Variants in ANAPC1 observed in about 807,000 individuals in gnomAD.
ANAPC1 encodes anaphase promoting complex subunit 1.
ANAPC1 carries 36 observed loss-of-function variants against 208.0 expected under a neutral mutation model. The ratio of observed to expected loss-of-function variants is 0.17; its 90% CI spans 0.13 to 0.23. The LOEUF (loss-of-function observed/expected upper bound fraction) is 0.23. Ranked by LOEUF, ANAPC1 falls within the 10% of genes least tolerant of loss-of-function variation. The pLI, the probability that ANAPC1 is intolerant of heterozygous loss-of-function variation, is 1.00. For synonymous variants in ANAPC1, 378 were observed against 695.2 expected (o/e 0.54, Z 7.18); for missense variants, 942 against 2,011.6 (o/e 0.47, Z 10.17).
chr2:111,788,046 C>T (rs1677659876), intron 39 of ANAPC1, among the ~76,000 whole-genome samples, 188 bp downstream of exon 39: 1 of 151,328 alleles, frequency 6.6e-6, no homozygotes, highest in South Asian at 2.1e-4. Flanking sequence ...CATCAGGTGT[C>T]CAAAGTTATC....
At position 111,862,557 on chromosome 2, in the gene ANAPC1, C is replaced by T. The variant is rs1476001166; in HGVS notation, c.1094G>A (p.Gly365Glu). The change falls in exon 10 of 48, where the codon GGG becomes GAG. Residue 365 changes from glycine (G) to glutamate (E), a missense_variant. Transcript: ENST00000341068. ...SPALGVHSFSGVQRFNISSHN... is the reference protein window; with the variant it reads ...SPALGVHSFSEVQRFNISSHN... ...GCTTGAAATGTTGAACCTTTGCACC[C>T]CTGAAAAAGAGTGCACTCCTAACGC... The T allele has an allele frequency of 6.2e-7, 1 of 1,611,040 alleles. No individual in the cohort carries two copies. The highest frequency in any genetic ancestry group is 1.7e-5 in the Admixed American group (1 of 59,996).
At chr2:111,861,235 C>T (rs983216993) in intron 10 of ANAPC1, among the ~76,000 whole-genome samples, 2 of 152,150 alleles carry the variant, frequency 1.3e-5, no homozygotes, top group African/African-American at 4.8e-5. Flanking sequence ...GCCATCATGC[C>T]TGGCTAATTT....
Position 111,878,937 on chromosome 2 carries a change from A to T in ANAPC1, c.248T>A (p.Ile83Asn). Residue 83 changes from isoleucine to asparagine, a missense_variant, in exon 3 of 48, where the codon ATT (isoleucine) becomes AAT (asparagine). Ile to Asn is a moderately radical substitution (Grantham distance 149, BLOSUM62 -3). Transcript: ENST00000341068. ...SWQLRKGVSE[I>N]GEDVDYDEEL... ...CTCATCATAGTCCACATCTTCTCCA[A>T]TTTCACTTACTCCTTTCCTTAACTG... 9 of 1,589,022 alleles carry T rather than the reference A, an allele frequency of 5.7e-6. No homozygotes were observed. Among genetic ancestry groups the T allele is most frequent in the Non-Finnish European group, 6.8e-6 (8 of 1,172,862 alleles).
intron 20 of ANAPC1, 101 bp downstream of exon 20, chr2:111,833,119 G>A (rs1033860550): frequency 7.1e-7 from 1 of 1,412,128 alleles, no homozygotes; most frequent in Non-Finnish European, 9.4e-7. Flanking sequence ...CCCTGACTTA[G>A]AAGCTAATGG....
rs971840999 is a variant in ANAPC1 at position 111,769,683 on chromosome 2, T to C, written c.5720-277A>G. On this transcript the variant is annotated intron_variant, in intron 47 of 47. Coordinates refer to ENST00000341068, the MANE Select transcript of ANAPC1 (RefSeq NM_022662.4). ...TGCATTACACCTACTGGCTTTCTTT[T>C]TTTTTTTTTTTTTTTGGAGACGAAG... 7.6e-5 allele frequency among the ~76,000 whole-genome samples: 11 copies of C among 144,066 alleles called. 1 individual carries two copies. The highest frequency in any genetic ancestry group is 2.2e-4 in the South Asian group (1 of 4,480). 94.5% of individuals were successfully genotyped at this position (144,066 alleles called of 152,430 possible).
At chr2:111,883,430 TTTAC>T (rs961759647) in intron 1 of ANAPC1, among the ~76,000 whole-genome samples, 4 of 151,976 alleles carry the variant, frequency 2.6e-5, no homozygotes, top group East Asian at 1.9e-4. Context: ...TAGAAATGTT[TTTAC>T]TTGTTAGGTG....
At chr2:111,841,519 A>C in intron 17 of ANAPC1, among the ~76,000 whole-genome samples, 1 of 151,058 alleles carries the variant, frequency 6.6e-6, no homozygotes, top group Non-Finnish European at 1.5e-5. Flanking sequence ...TGGCAAGTGC[A>C]AACACTCAGA....
chr2:111,823,239 G>C (rs1403251276), intron 24 of ANAPC1, among the ~76,000 whole-genome samples: 1 of 151,198 alleles, frequency 6.6e-6, no homozygotes, highest in Non-Finnish European at 1.5e-5. Context: ...GGATGGTCTC[G>C]ATCTCCTGAC....
At chr2:111,810,305 G>A (rs73956889) in intron 28 of ANAPC1, among the ~76,000 whole-genome samples, 5 of 134,390 alleles carry the variant, frequency 3.7e-5, no homozygotes, top group Admixed American at 1.4e-4. Context: ...GTGAAGGTGG[G>A]GGGGGGTGAG....
intron 7 of ANAPC1, chr2:111,866,268 G>A (rs1682408641): frequency 2.6e-6 from 1 of 385,096 alleles, no homozygotes; most frequent in Non-Finnish European, 5.0e-6. Flanking sequence ...GGACATTTGT[G>A]AAGCGAGTGT....
In ANAPC1 at chr2:111,858,230, A is replaced by C. The variant is rs191481694; in HGVS notation, c.1358+76T>G. The stretch of plus-strand genomic sequence containing the variant: ...TAAATAAAACTACTTAAGCCAAAAA[A>C]AAAAGGAAAGAAAAGAAAAAGAAAA... On this transcript the variant is annotated intron_variant, in intron 11 of 47. Coordinates refer to ENST00000341068, the MANE Select transcript of ANAPC1 (RefSeq NM_022662.4). The C allele has an allele frequency of 4.8e-4, 571 of 1,181,156 alleles. 2 individuals carry two copies. In the African/African-American group the frequency reaches 8.2e-3, roughly 17 times the overall value. The allele number at this position is 1,181,156 out of a possible 1,614,324, so 73.2% of individuals were successfully genotyped here. A position where few individuals can be genotyped will look rare whatever the true frequency, so the allele number is the denominator to read the frequency against.
intron 2 of ANAPC1, among the ~76,000 whole-genome samples, chr2:111,879,358 C>T (rs1042029538): frequency 6.6e-6 from 1 of 152,204 alleles, no homozygotes; most frequent in African/African-American, 2.4e-5. Flanking sequence ...GGGGAGTTCA[C>T]ACACAAATGC....
chr2:111,878,839 C>T lies in ANAPC1; in HGVS notation c.346G>A (p.Ala116Thr), dbSNP rs1394596697. Residue 116 changes from alanine to threonine, a missense_variant, in exon 3 of 48, where the codon GCA becomes ACA. Ala to Thr is a moderately conservative substitution (Grantham distance 58, BLOSUM62 0). Transcript: ENST00000341068. ...SKSQALAVYK[A>T]FTVDSPVQQA... Reference sequence around the variant, plus strand: ...TGAACAGGACTGTCAACTGTAAATGCTTTATAAACTGCCAATGCCTGGCTT... The same window carrying T: ...TGAACAGGACTGTCAACTGTAAATGTTTTATAAACTGCCAATGCCTGGCTT... 1 of 1,604,224 alleles carries T rather than the reference C, an allele frequency of 6.2e-7. No homozygotes were observed. Among genetic ancestry groups the T allele is most frequent in the Admixed American group, 1.7e-5 (1 of 58,070 alleles).
chr2:111,867,942 T>C, intron 7 of ANAPC1, 81 bp downstream of exon 7: 2 of 838,664 alleles, frequency 2.4e-6, no homozygotes, highest in Non-Finnish European at 3.7e-6. Flanking sequence ...AAGTCAGTTT[T>C]CATATAAGCG....
chr2:111,767,528 T>C (rs1176587239), downstream of ANAPC1: 231 of 154,188 alleles, frequency 1.5e-3, no homozygotes, highest in South Asian at 7.3e-3. Context: ...GCTTCCAGAC[T>C]ATCTGCAGTC....
At chr2:111,855,551 AAC>A (rs1485525605) in intron 13 of ANAPC1, among the ~76,000 whole-genome samples, 1 of 152,258 alleles carries the variant, frequency 6.6e-6, no homozygotes, top group Non-Finnish European at 1.5e-5. Flanking sequence ...CACACGCATC[AAC>A]ACAGACAAAT....
intron 14 of ANAPC1, among the ~76,000 whole-genome samples, chr2:111,850,388 A>G (rs990450381): frequency 2.4e-4 from 37 of 152,154 alleles, no homozygotes; most frequent in African/African-American, 6.3e-4. Flanking sequence ...TGAGGCTTTG[A>G]TTTTGCCATG....
At chr2:111,873,514 AC>A in intron 4 of ANAPC1, 98 bp downstream of exon 4, 1 of 1,467,680 alleles carries the variant, frequency 6.8e-7, no homozygotes, top group Non-Finnish European at 9.1e-7. Flanking sequence ...CTTATGGTAA[AC>A]CACTATTACT....
At position 111,841,972 on chromosome 2, in the gene ANAPC1, G is replaced by A. The variant is rs371424573; in HGVS notation, c.2040+1440C>T. ...GCTTTTAAATGATGCTAGTAAGAATGTCACCTGGGAACCCCTTTCCAAACA... is the reference window on the plus strand; with the variant it reads ...GCTTTTAAATGATGCTAGTAAGAATATCACCTGGGAACCCCTTTCCAAACA... On this transcript the variant is annotated intron_variant, in intron 17 of 47. Transcript: ENST00000341068. Among the ~76,000 whole-genome samples the A allele has an allele frequency of 2.0e-5, 3 of 152,270 alleles. No homozygotes were observed. In the South Asian group the frequency reaches 6.2e-4, roughly 32 times the overall value.
Sources: gnomAD v4.1 joint callset for allele counts (sites outside exome capture counted in the v4.1 genomes callset) on GRCh38, gnomAD v4.1.1 for gene constraint, MANE v1.5 for transcripts, NCBI Gene and HGNC (gene_info 2026-07-23, HGNC 2026-07-21) for gene names.